Variants in SGCD observed in about 807,000 individuals in gnomAD.
SGCD encodes the protein delta-sarcoglycan.
Under a neutral mutation model 36.6 loss-of-function variants are expected in SGCD, and 18 were observed. The observed-to-expected ratio is 0.49, with a 90% CI of 0.34 to 0.73. The LOEUF (loss-of-function observed/expected upper bound fraction) is 0.73. Among genes scored for constraint, SGCD ranks in the 30% least tolerant of loss-of-function variants. The probability of loss-of-function intolerance (pLI) is 0.01; values close to 1 mark genes in which losing one functional copy is unlikely to be tolerated. For synonymous variants in SGCD, 133 were observed against 130.6 expected, an observed-to-expected ratio of 1.02 and a Z score of -0.12; for missense variants, 387 against 346.7, an observed-to-expected ratio of 1.12 and a Z score of -0.92.
chr5:155,764,840 C>A, the SGCD span, among the ~76,000 whole-genome samples: 7 of 152,020 alleles, frequency 4.6e-5, no homozygotes, highest in Non-Finnish European at 8.8e-5. Context: ...TGGGGGGAGG[C>A]AGAGGAAATC....
In SGCD at chr5:156,232,708, A is replaced by G. The variant is rs571738246; in HGVS notation, c.-43-96826A>G. Among the ~76,000 whole-genome samples, 3 of 152,342 alleles carry G rather than the reference A, an allele frequency of 2.0e-5. No homozygotes were observed. The South Asian group carries it at 6.2e-4, about 32-fold the overall frequency. On this transcript the variant is annotated intron_variant, in intron 3 of 9. Coordinates refer to the SGCD transcript ENST00000517913. ...TCCCTCTGAGTATATTAGTGTGTCT[A>G]TTAGTATCTCCTGTAATAAACACAT...
the SGCD span, among the ~76,000 whole-genome samples, chr5:155,748,631 C>T: frequency 1.3e-5 from 2 of 152,102 alleles, no homozygotes; most frequent in Non-Finnish European, 2.9e-5. Context: ...TTTTGAGGCT[C>T]TGTTTGGAAT....
intron 3 of SGCD, among the ~76,000 whole-genome samples, chr5:156,350,247 T>TTATATATATATA (rs59107352): frequency 0.029 from 2,825 of 95,806 alleles, 447 homozygotes; most frequent in East Asian, 0.27. Context: ...GGAAAAAAAA[T>TTATATATATATA]TATATATATA....
At chr5:155,829,872 C>T in the SGCD span, among the ~76,000 whole-genome samples, 1 of 152,172 alleles carries the variant, frequency 6.6e-6, no homozygotes, top group Admixed American at 6.5e-5. Flanking sequence ...AACCAAGCAT[C>T]ATACAATCAT....
intron 3 of SGCD, among the ~76,000 whole-genome samples, chr5:156,168,230 T>C (rs1763258535): frequency 6.6e-6 from 1 of 152,260 alleles, no homozygotes; most frequent in Admixed American, 6.5e-5. Flanking sequence ...TATTATTCAA[T>C]TCACAATATG....
chr5:155,730,959 C>T, the SGCD span, among the ~76,000 whole-genome samples: 1 of 152,146 alleles, frequency 6.6e-6, no homozygotes, highest in African/African-American at 2.4e-5. Context: ...TAGCATGGGG[C>T]GCATGCCTCT....
the SGCD span, among the ~76,000 whole-genome samples, chr5:155,768,280 G>A: frequency 1.5e-5 from 2 of 129,306 alleles, no homozygotes; most frequent in Admixed American, 1.5e-4. Context: ...TTTTGTTGTT[G>A]TTGTTGTTTT....
chr5:155,960,441 A>G (rs1197192802), intron 1 of SGCD, among the ~76,000 whole-genome samples: 1 of 152,082 alleles, frequency 6.6e-6, no homozygotes, highest in Admixed American at 6.6e-5. Context: ...AAGAGAGCTC[A>G]GGCCTGTATC....
At chr5:155,810,478 G>A in the SGCD span, among the ~76,000 whole-genome samples, 1 of 151,870 alleles carries the variant, frequency 6.6e-6, no homozygotes, top group Non-Finnish European at 1.5e-5. Flanking sequence ...GCATTTTAAA[G>A]GACTACAGTT....
At chr5:156,052,278 G>C (rs1423797433) in intron 1 of SGCD, among the ~76,000 whole-genome samples, 1 of 146,102 alleles carries the variant, frequency 6.8e-6, no homozygotes, top group South Asian at 2.2e-4. Flanking sequence ...CAGTGTCGGG[G>C]GTAAGGGGTG....
At chr5:156,586,826 A>G (rs976475173) in intron 4 of SGCD, among the ~76,000 whole-genome samples, 5 of 152,174 alleles carry the variant, frequency 3.3e-5, no homozygotes, top group Non-Finnish European at 7.3e-5. Flanking sequence ...TTCTTGTGCC[A>G]GCCATTTCTC....
In SGCD at chr5:156,279,018, G is replaced by A. The variant is rs558473619; in HGVS notation, c.-43-50516G>A. 3.9e-5 allele frequency among the ~76,000 whole-genome samples: 6 copies of A among 152,268 alleles called. No individual in the cohort carries two copies. The East Asian group carries it at 1.2e-3, about 29-fold the overall frequency. On this transcript the variant is annotated intron_variant, in intron 3 of 9. Transcript: ENST00000517913. ...GGAGAGGTGCTAATGGCATCTAGTG[G>A]GTAGAGGCCAGGAATGTTACTAAAC... is the stretch of plus-strand genomic sequence containing the variant.
chr5:156,142,103 G>A (rs1348357913), intron 3 of SGCD, among the ~76,000 whole-genome samples: 1 of 152,136 alleles, frequency 6.6e-6, no homozygotes, highest in Non-Finnish European at 1.5e-5. Flanking sequence ...TATCATGATA[G>A]TGAGTGAGTT....
intron 5 of SGCD, among the ~76,000 whole-genome samples, chr5:156,590,602 C>T (rs1199206722): frequency 6.6e-6 from 1 of 152,146 alleles, no homozygotes; most frequent in Non-Finnish European, 1.5e-5. Context: ...CAGATTTTCA[C>T]ATTCAAAAGG....
intron 4 of SGCD, among the ~76,000 whole-genome samples, chr5:156,583,937 A>G (rs1377737438): frequency 6.6e-6 from 1 of 152,228 alleles, no homozygotes; most frequent in Admixed American, 6.5e-5. Context: ...GACTCCAGAG[A>G]GAATAAAGAC....
chr5:155,841,564 G>C, the SGCD span, among the ~76,000 whole-genome samples: 22 of 152,022 alleles, frequency 1.4e-4, 1 homozygote, highest in South Asian at 3.6e-3. Flanking sequence ...TGCCATTTTG[G>C]GGGGGTTGGT....
intron 6 of SGCD, among the ~76,000 whole-genome samples, chr5:156,643,060 T>C (rs2431402): frequency 0.024 from 3,543 of 150,514 alleles, 66 homozygotes; most frequent in Middle Eastern, 0.076. Context: ...GAAACGGAGT[T>C]TCACCCTTGT....
chr5:156,291,432 T>G (rs976564994), intron 3 of SGCD, among the ~76,000 whole-genome samples: 1 of 152,064 alleles, frequency 6.6e-6, no homozygotes, highest in African/African-American at 2.4e-5. Flanking sequence ...TGAGCATAAC[T>G]ATGTTCCAAT....
chr5:155,984,565 C>G (rs1032877561), intron 1 of SGCD, among the ~76,000 whole-genome samples: 1 of 152,212 alleles, frequency 6.6e-6, no homozygotes, highest in Non-Finnish European at 1.5e-5. Flanking sequence ...CTCACAAAGA[C>G]TCATGATGTA....
Sources: allele counts gnomAD v4.1 joint callset (sites outside exome capture counted in the v4.1 genomes callset), GRCh38; gene constraint gnomAD v4.1.1; transcripts MANE v1.5; gene names NCBI Gene and HGNC (gene_info 2026-07-23, HGNC 2026-07-21).